The following COL26A1 variants were observed in gnomAD, a reference collection of about 807,000 sequenced individuals.
COL26A1 encodes collagen type XXVI alpha 1 chain, also known as collagen alpha-1(XXVI) chain.
A neutral mutation model predicts 59.3 loss-of-function variants in COL26A1; 41 were observed. That is an observed-to-expected ratio of 0.69 (90% confidence interval 0.54 to 0.90). The LOEUF is 0.90. COL26A1 is among the 40% of genes least tolerant of loss of function. The pLI is 0.00. For synonymous variants in COL26A1, 266 were observed against 256.0 expected (o/e 1.04, Z -0.37); for missense variants, 612 against 602.3 (o/e 1.02, Z -0.17).
At chr7:101,425,902 C>G (rs1461730938) in intron 2 of COL26A1, among the ~76,000 whole-genome samples, 2 of 151,066 alleles carry the variant, frequency 1.3e-5, no homozygotes, top group African/African-American at 4.9e-5. Context: ...TCTCAGCTCA[C>G]TGCAACTTCT....
intron 1 of COL26A1, among the ~76,000 whole-genome samples, chr7:101,393,808 G>A (rs534631831): frequency 1.3e-5 from 2 of 152,028 alleles, no homozygotes; most frequent in East Asian, 1.9e-4. Context: ...GTGCAGTGGT[G>A]TGATCCTAGC....
chr7:101,493,517 G>A (rs1028396588), intron 3 of COL26A1, among the ~76,000 whole-genome samples: 5 of 152,084 alleles, frequency 3.3e-5, no homozygotes, highest in East Asian at 1.9e-4. Flanking sequence ...CTCTTTGGCC[G>A]TCTGCTGAAT....
At chr7:101,387,496 T>A (rs1791604749) in intron 1 of COL26A1, among the ~76,000 whole-genome samples, 1 of 151,408 alleles carries the variant, frequency 6.6e-6, no homozygotes, top group Admixed American at 6.6e-5. Flanking sequence ...TTTTTATTAT[T>A]TATATTGTGG....
rs986294138 is a variant in COL26A1 at position 101,558,378 on chromosome 7, C to T, written c.*848C>T. ...CTCCCAGTCTTGCTGAGCCCACCCG[C>T]TCTCTCTGGGTCCATCCCATCCCTG... On this transcript the variant is annotated 3_prime_UTR_variant, in exon 13 of 13. Coordinates refer to ENST00000313669, the MANE Select transcript of COL26A1 (RefSeq NM_001278563.3). 28 of 152,326 alleles carry T rather than the reference C, an allele frequency of 1.8e-4. No homozygotes were observed. Among genetic ancestry groups the T allele is most frequent in the African/African-American group, 6.8e-4 (28 of 41,478 alleles). The allele number at this position is 152,326 out of a possible 1,614,324, so 9.4% of individuals were successfully genotyped here.
At chr7:101,548,910 G>A (rs557065552) in intron 8 of COL26A1, among the ~76,000 whole-genome samples, 1 of 152,276 alleles carries the variant, frequency 6.6e-6, no homozygotes, top group South Asian at 2.1e-4. Context: ...CTTGCCTGCC[G>A]GGTCTCGGGA....
intron 1 of COL26A1, among the ~76,000 whole-genome samples, chr7:101,406,181 C>T (rs1403585640): frequency 6.6e-6 from 1 of 152,210 alleles, no homozygotes; most frequent in African/African-American, 2.4e-5. Flanking sequence ...CATCTTTTCC[C>T]TCCAAAAATC....
At chr7:101,461,826 G>T (rs117557348) in intron 3 of COL26A1, among the ~76,000 whole-genome samples, 1,563 of 152,182 alleles carry the variant, frequency 0.01, 6 homozygotes, top group Non-Finnish European at 0.016. Context: ...TCAAGGTCTC[G>T]TCCACAGTGT....
chr7:101,542,670 A>C (rs1285333649), intron 5 of COL26A1, among the ~76,000 whole-genome samples: 1 of 152,198 alleles, frequency 6.6e-6, no homozygotes, highest in African/African-American at 2.4e-5. Flanking sequence ...GGTGGCCTCC[A>C]GTGGCCAGTC....
chr7:101,544,528 C>CTTTTT (rs58206894), intron 6 of COL26A1, among the ~76,000 whole-genome samples: 2 of 98,636 alleles, frequency 2.0e-5, no homozygotes, highest in Non-Finnish European at 3.8e-5. Context: ...CCTCACCTGG[C>CTTTTT]TTTTTTTTTT....
At position 101,486,304 on chromosome 7, in the gene COL26A1, C is replaced by T. The variant is rs143299407; in HGVS notation, c.385+38517C>T. Among the ~76,000 whole-genome samples the T allele has an allele frequency of 9.2e-5, 14 of 152,346 alleles. No individual in the cohort carries two copies. In the East Asian group the frequency reaches 2.3e-3, roughly 25 times the overall value. ...TCTTCAGTTTCACAAGGGGACTAAG[C>T]TCAACTGTTCATTCCACGTCCCCCC... On this transcript the variant is annotated intron_variant, in intron 3 of 12. Transcript: ENST00000313669.
At chr7:101,421,661 A>AG (rs1562971159) in intron 2 of COL26A1, among the ~76,000 whole-genome samples, 1 of 151,916 alleles carries the variant, frequency 6.6e-6, no homozygotes, top group Non-Finnish European at 1.5e-5. Context: ...GAAAAAAAAA[A>AG]AAAGAAATTG....
At chr7:101,549,352 G>A (rs566940192) in intron 9 of COL26A1, 129 bp downstream of exon 9, 23 of 585,752 alleles carry the variant, frequency 3.9e-5, no homozygotes, top group East Asian at 1.3e-4. Flanking sequence ...CGGCCTGGCC[G>A]GTGAGATTTT....
intron 3 of COL26A1, among the ~76,000 whole-genome samples, chr7:101,489,824 T>TGTC (rs1342719294): frequency 2.3e-4 from 2 of 8,628 alleles, no homozygotes; most frequent in African/African-American, 1.2e-3. Context: ...CTTTCTTTCT[T>TGTC]TCTTTCTTTC....
intron 10 of COL26A1, 33 bp from the exon 11 acceptor site, chr7:101,553,293 G>A (rs370757377): frequency 5.0e-6 from 8 of 1,608,014 alleles, no homozygotes; most frequent in Admixed American, 1.7e-5. Context: ...CCCACCTCCC[G>A]TTCCAGTGTT....
At chr7:101,419,845 G>GC (rs1792468274) in intron 1 of COL26A1, 132 bp from the exon 2 acceptor site, 3 of 855,566 alleles carry the variant, frequency 3.5e-6, no homozygotes, top group Non-Finnish European at 5.5e-6. Flanking sequence ...GTCTCAGTGG[G>GC]CCCCCCATCC....
At chr7:101,462,153 C>G (rs1793630652) in intron 3 of COL26A1, among the ~76,000 whole-genome samples, 1 of 151,818 alleles carries the variant, frequency 6.6e-6, no homozygotes, top group South Asian at 2.1e-4. Flanking sequence ...GTGCCCGCCT[C>G]CACGCCCGGC....
intron 3 of COL26A1, among the ~76,000 whole-genome samples, chr7:101,501,217 G>GAAAAAAAAAAAA (rs111556828): frequency 8.8e-6 from 1 of 113,030 alleles, no homozygotes; most frequent in Admixed American, 9.5e-5. Context: ...GAAAAGAAAA[G>GAAAAAAAAAAAA]AAAAAAAAAA....
chr7:101,538,960 C>A (rs1431793718), intron 4 of COL26A1, among the ~76,000 whole-genome samples: 1 of 152,240 alleles, frequency 6.6e-6, no homozygotes, highest in Non-Finnish European at 1.5e-5. Context: ...TCCACCCACC[C>A]TGAGCCTATT....
intron 3 of COL26A1, among the ~76,000 whole-genome samples, chr7:101,509,878 C>T (rs1391471453): frequency 1.3e-5 from 2 of 150,570 alleles, no homozygotes; most frequent in African/African-American, 4.9e-5. Context: ...CAGGTGTGCA[C>T]CACCACGCAC....
Sources: allele counts gnomAD v4.1 joint callset (sites outside exome capture counted in the v4.1 genomes callset), GRCh38; gene constraint gnomAD v4.1.1; transcripts MANE v1.5; gene names NCBI Gene and HGNC (gene_info 2026-07-23, HGNC 2026-07-21).